BAZ1A: variants seen among roughly 807,000 people sequenced by gnomAD.
BAZ1A encodes bromodomain adjacent to zinc finger domain protein 1A.
Under a neutral mutation model 185.2 loss-of-function variants are expected in BAZ1A, and 50 were observed. The observed-to-expected ratio is 0.27, with a 90% CI of 0.22 to 0.34. BAZ1A has a LOEUF of 0.34. Among genes scored for constraint, BAZ1A ranks in the 10% least tolerant of loss-of-function variants. The pLI is 1.00. For missense variants in BAZ1A, 1,356 were observed against 1,839.9 expected, an observed-to-expected ratio of 0.74 and a Z score of 4.81; for synonymous variants, 571 against 615.6, an observed-to-expected ratio of 0.93 and a Z score of 1.07.
chr14:34,867,865 A>G (rs1217455434), intron 2 of BAZ1A, among the ~76,000 whole-genome samples: 1 of 152,140 alleles, frequency 6.6e-6, no homozygotes, highest in Non-Finnish European at 1.5e-5. Flanking sequence ...TATCATACAC[A>G]TTTAAATGTG....
intron 2 of BAZ1A, among the ~76,000 whole-genome samples, chr14:34,869,415 T>C (rs2042917523): frequency 6.6e-6 from 1 of 152,148 alleles, no homozygotes; most frequent in African/African-American, 2.4e-5. Context: ...GTTAGACATT[T>C]GGAAGGGGAG....
At chr14:34,795,790 C>T in intron 9 of BAZ1A, 25 bp from the exon 10 acceptor site, 1 of 1,552,846 alleles carries the variant, frequency 6.4e-7, no homozygotes, top group Non-Finnish European at 8.8e-7. Flanking sequence ...AAGTTAATAA[C>T]AATTCATGTA....
intron 3 of BAZ1A, among the ~76,000 whole-genome samples, chr14:34,839,699 T>C (rs1054067622): frequency 5.3e-5 from 8 of 150,200 alleles, no homozygotes; most frequent in Non-Finnish European, 8.9e-5. Context: ...AAAAATTAGC[T>C]GGGCGTGGTG....
At position 34,861,914 on chromosome 14, in the gene BAZ1A, A is replaced by C. The variant is rs1019695069; in HGVS notation, c.392+130T>G. 3 of 1,043,926 alleles carry C rather than the reference A, an allele frequency of 2.9e-6. No homozygotes were observed. The Admixed American group carries it at 7.5e-5, about 26-fold the overall frequency. The allele number at this position is 1,043,926 out of a possible 1,614,324, so 64.7% of individuals were successfully genotyped here. A position where few individuals can be genotyped will look rare whatever the true frequency, so the allele number is the denominator to read the frequency against. ...ACAAGAAACAGCTAACACCGGGGCTATCTGTGGGTTAACAGAATAGCTAGA... is the reference window on the plus strand; with the variant it reads ...ACAAGAAACAGCTAACACCGGGGCTCTCTGTGGGTTAACAGAATAGCTAGA... On this transcript the variant is annotated intron_variant, in intron 3 of 26. Coordinates refer to ENST00000360310, the MANE Select transcript of BAZ1A (RefSeq NM_013448.3).
In BAZ1A at chr14:34,794,858, A is replaced by G. The variant is rs772343235; in HGVS notation, c.1254T>C (p.Thr418=). ...KELPEPTPVK[T]RLPPEIFGDA... ...CACCAAAGATTTCAGGAGGTAGTCT[A>G]GTTTTCACTGGTGTTGGTTCTGGAA... Residue 418 remains threonine, a synonymous_variant, in exon 11 of 27, where the codon ACT becomes ACC. Coordinates refer to ENST00000360310, the MANE Select transcript of BAZ1A (RefSeq NM_013448.3). 6 of 1,613,964 alleles carry G rather than the reference A, an allele frequency of 3.7e-6. No homozygotes were observed. The highest frequency in any genetic ancestry group is 1.7e-5 in the Admixed American group (1 of 59,984).
chr14:34,786,524 A>C, intron 12 of BAZ1A: 2 of 244,604 alleles, frequency 8.2e-6, no homozygotes, highest in Non-Finnish European at 1.6e-5. Flanking sequence ...TTAAAAACAA[A>C]TCTCCTCACT....
intron 23 of BAZ1A, among the ~76,000 whole-genome samples, chr14:34,762,780 T>C (rs1886579463): frequency 6.6e-6 from 1 of 152,204 alleles, no homozygotes; most frequent in Non-Finnish European, 1.5e-5. Flanking sequence ...CATATCTTCT[T>C]GGTAACTTCA....
intron 16 of BAZ1A, among the ~76,000 whole-genome samples, chr14:34,781,051 GTTGT>G (rs933193134): frequency 1.7e-4 from 26 of 152,102 alleles, no homozygotes; most frequent in African/African-American, 6.3e-4. Context: ...ACACAATATA[GTTGT>G]TTAATTCATT....
intron 23 of BAZ1A, among the ~76,000 whole-genome samples, chr14:34,763,725 T>C (rs1375811643): frequency 6.6e-6 from 1 of 152,236 alleles, no homozygotes; most frequent in Non-Finnish European, 1.5e-5. Context: ...CAGATGATTG[T>C]TAGCATATTT....
Position 34,825,959 on chromosome 14 carries a change from G to C in BAZ1A, c.536+54C>G, listed in dbSNP as rs2042160048. 15 of 1,453,638 alleles carry C rather than the reference G, an allele frequency of 1.0e-5. No homozygotes were observed. In the South Asian group the frequency reaches 2.0e-4, roughly 20 times the overall value. 90.0% of individuals were successfully genotyped at this position (1,453,638 alleles called of 1,614,324 possible). ...TCTCAAAAAAAAAGTTATTTCAATG[G>C]AATATCATTAGGCAATCTGCCAAAT... On this transcript the variant is annotated intron_variant, in intron 4 of 26. Coordinates refer to ENST00000360310, the MANE Select transcript of BAZ1A (RefSeq NM_013448.3).
intron 9 of BAZ1A, among the ~76,000 whole-genome samples, chr14:34,799,746 G>T (rs1327962618): frequency 1.3e-5 from 2 of 151,850 alleles, no homozygotes; most frequent in African/African-American, 4.8e-5. Flanking sequence ...TTCGTAGTTG[G>T]GATTACAGGC....
intron 26 of BAZ1A, among the ~76,000 whole-genome samples, chr14:34,754,426 A>AAAAAAAAAAAAAAAAAG (rs543554757): frequency 1.6e-5 from 2 of 122,834 alleles, no homozygotes; most frequent in African/African-American, 2.7e-5. Flanking sequence ...TCAAAAAAAA[A>AAAAAAAAAAAAAAAAAG]AAAAAAGAAA....
intron 21 of BAZ1A, chr14:34,768,797 ATAGT>A (rs1360585663): frequency 1.2e-5 from 5 of 406,384 alleles, no homozygotes; most frequent in African/African-American, 2.1e-5. Context: ...TCAAACTGAT[ATAGT>A]TAGTTGAAGA....
intron 11 of BAZ1A, among the ~76,000 whole-genome samples, chr14:34,793,864 C>T (rs1052453731): frequency 1.3e-5 from 2 of 151,916 alleles, no homozygotes; most frequent in Admixed American, 6.6e-5. Context: ...ATTGCTTGAA[C>T]CCCGGAGGTG....
At chr14:34,774,517 T>C (rs1413615650) in intron 18 of BAZ1A, 27 bp from the exon 19 acceptor site, 1 of 1,524,342 alleles carries the variant, frequency 6.6e-7, no homozygotes, top group East Asian at 2.4e-5. Context: ...ATACTTTTAT[T>C]ATGATTTTCT....
At chr14:34,835,757 T>C (rs2138742027) in intron 3 of BAZ1A, among the ~76,000 whole-genome samples, 1 of 151,224 alleles carries the variant, frequency 6.6e-6, no homozygotes, top group Middle Eastern at 3.4e-3. Flanking sequence ...CTGCAACCTC[T>C]GCCTCCCGGG....
intron 21 of BAZ1A, among the ~76,000 whole-genome samples, chr14:34,769,314 C>T (rs1378662769): frequency 6.6e-6 from 1 of 152,078 alleles, no homozygotes; most frequent in African/African-American, 2.4e-5. Context: ...ACAGTAGACA[C>T]CCATATTATA....
At chr14:34,846,962 T>A (rs574842454) in intron 3 of BAZ1A, among the ~76,000 whole-genome samples, 2 of 152,168 alleles carry the variant, frequency 1.3e-5, no homozygotes, top group Non-Finnish European at 2.9e-5. Context: ...TTAAAAATTG[T>A]ATCATCAGCC....
chr14:34,860,343 A>C (rs943440278), intron 3 of BAZ1A, among the ~76,000 whole-genome samples: 1 of 151,852 alleles, frequency 6.6e-6, no homozygotes, highest in Non-Finnish European at 1.5e-5. Context: ...CCCCGTCTCT[A>C]CAAAAAATAC....
Sources: allele counts gnomAD v4.1 joint callset (sites outside exome capture counted in the v4.1 genomes callset), GRCh38; gene constraint gnomAD v4.1.1; transcripts MANE v1.5; gene names NCBI Gene and HGNC (gene_info 2026-07-23, HGNC 2026-07-21).